The following GPHN variants were observed in gnomAD, a reference collection of about 807,000 sequenced individuals.
The protein encoded by GPHN is gephyrin.
Under a neutral mutation model 95.5 loss-of-function variants are expected in GPHN, and 17 were observed. The observed-to-expected ratio is 0.18, with a 90% CI of 0.12 to 0.27. GPHN has a LOEUF of 0.27. Among genes scored for constraint, GPHN ranks in the 10% least tolerant of loss-of-function variants. The pLI is 1.00. For synonymous variants in GPHN, 320 were observed against 322.5 expected (o/e 0.99, Z 0.08); for missense variants, 660 against 978.1 (o/e 0.67, Z 4.34).
chr14:67,254,025 TC>T, the GPHN span, among the ~76,000 whole-genome samples: 186 of 122,948 alleles, frequency 1.5e-3, 4 homozygotes, highest in East Asian at 0.013. Context: ...CTTATATTCA[TC>T]CCCCCCCCCT....
the GPHN span, among the ~76,000 whole-genome samples, chr14:67,227,032 G>C: frequency 5.3e-5 from 8 of 152,162 alleles, no homozygotes; most frequent in Non-Finnish European, 7.4e-5. Context: ...TCAATCCCTT[G>C]ATGGATATAT....
At chr14:67,613,727 CA>C in the GPHN span, 1 of 217,468 alleles carries the variant, frequency 4.6e-6, no homozygotes. Flanking sequence ...CTGTATTTGC[CA>C]AAACAATATT....
chr14:66,547,077 A>G (rs1291494278), intron 1 of GPHN, among the ~76,000 whole-genome samples: 4 of 151,982 alleles, frequency 2.6e-5, no homozygotes, highest in African/African-American at 9.7e-5. Context: ...TTGTGGCTGA[A>G]TCCAGCTTTT....
intron 5 of GPHN, among the ~76,000 whole-genome samples, chr14:66,883,804 A>G (rs1423300512): frequency 6.6e-6 from 1 of 152,092 alleles, no homozygotes; most frequent in Non-Finnish European, 1.5e-5. Flanking sequence ...GGGCAGTAGT[A>G]TATACTAGGT....
chr14:67,562,065 G>T, the GPHN span: 9 of 1,610,056 alleles, frequency 5.6e-6, no homozygotes, highest in South Asian at 7.7e-5. Flanking sequence ...CAGGTGTGCA[G>T]TACGTGTGTT....
At chr14:67,424,968 T>C in the GPHN span, among the ~76,000 whole-genome samples, 10 of 152,358 alleles carry the variant, frequency 6.6e-5, no homozygotes, top group Admixed American at 5.9e-4. Flanking sequence ...GTCTTAATTC[T>C]TCTCAGTCCC....
the GPHN span, among the ~76,000 whole-genome samples, chr14:67,434,514 C>T: frequency 5.3e-3 from 800 of 152,296 alleles, 29 homozygotes; most frequent in Admixed American, 0.046. Flanking sequence ...AGAGAAGAAT[C>T]GCTGATGGGA....
intron 18 of GPHN, among the ~76,000 whole-genome samples, chr14:67,154,099 C>T (rs1415370414): frequency 6.6e-6 from 1 of 152,206 alleles, no homozygotes; most frequent in Non-Finnish European, 1.5e-5. Context: ...GCAACTCTGG[C>T]TTCTGCCTAT....
At chr14:67,123,043 G>GATA (rs2079100175) in intron 17 of GPHN, among the ~76,000 whole-genome samples, 1 of 152,178 alleles carries the variant, frequency 6.6e-6, no homozygotes. Flanking sequence ...CAACACTGCT[G>GATA]CCTGGCTGTC....
chr14:66,757,217 AAGAACT>A (rs2058589156), intron 2 of GPHN, among the ~76,000 whole-genome samples: 1 of 152,216 alleles, frequency 6.6e-6, no homozygotes. Flanking sequence ...TACAATCTCC[AAGAACT>A]AGAAGTATTT....
At chr14:66,569,028 A>G (rs1417403648) in intron 1 of GPHN, among the ~76,000 whole-genome samples, 1 of 152,188 alleles carries the variant, frequency 6.6e-6, no homozygotes, top group Non-Finnish European at 1.5e-5. Flanking sequence ...GTAACTAAAT[A>G]TAAATCATAT....
At chr14:67,597,864 A>G in the GPHN span, among the ~76,000 whole-genome samples, 1 of 152,184 alleles carries the variant, frequency 6.6e-6, no homozygotes, top group Non-Finnish European at 1.5e-5. Flanking sequence ...CAATATAATT[A>G]GTTGAAAGGG....
intron 4 of GPHN, among the ~76,000 whole-genome samples, chr14:66,859,972 A>G (rs1262571688): frequency 6.6e-6 from 1 of 152,140 alleles, no homozygotes; most frequent in Admixed American, 6.6e-5. Flanking sequence ...TGCCTACAAA[A>G]TGTAGAAAAT....
chr14:67,732,421 C>T, the GPHN span, among the ~76,000 whole-genome samples: 2 of 89,014 alleles, frequency 2.2e-5, no homozygotes, highest in East Asian at 8.1e-4. Context: ...TGAAGTGAGA[C>T]CCTATCTCAA....
At chr14:67,350,062 G>C in the GPHN span, among the ~76,000 whole-genome samples, 1 of 152,204 alleles carries the variant, frequency 6.6e-6, no homozygotes, top group Non-Finnish European at 1.5e-5. Flanking sequence ...GTTATTTGGA[G>C]AATTACATAA....
intron 17 of GPHN, among the ~76,000 whole-genome samples, chr14:67,138,629 A>C (rs1393705689): frequency 6.6e-6 from 1 of 152,134 alleles, no homozygotes; most frequent in African/African-American, 2.4e-5. Context: ...TGAGCGATGG[A>C]TACATGGGTG....
the GPHN span, among the ~76,000 whole-genome samples, chr14:67,187,195 G>A: frequency 6.6e-5 from 10 of 152,078 alleles, no homozygotes; most frequent in Non-Finnish European, 1.5e-4. Flanking sequence ...GCATTAGGAA[G>A]GTACTGAAAA....
At chr14:67,684,922 C>T in the GPHN span, 2 of 980,992 alleles carry the variant, frequency 2.0e-6, no homozygotes, top group Non-Finnish European at 3.0e-6. Flanking sequence ...CTATATGAGA[C>T]AATGTACTTT....
At chr14:67,330,747 CG>C in the GPHN span, among the ~76,000 whole-genome samples, 23,596 of 152,162 alleles carry the variant, frequency 0.16, 3,453 homozygotes, top group East Asian at 0.42. Flanking sequence ...CCTGAGCCCC[CG>C]GCACCCCGCT....
Sources: allele counts gnomAD v4.1 joint callset (sites outside exome capture counted in the v4.1 genomes callset), GRCh38; gene constraint gnomAD v4.1.1; transcripts MANE v1.5; gene names NCBI Gene and HGNC (gene_info 2026-07-23, HGNC 2026-07-21).